The following ZFPM2 variants were observed in gnomAD, a reference collection of about 807,000 sequenced individuals.
ZFPM2 encodes zinc finger protein, FOG family member 2.
In ZFPM2, 20 loss-of-function variants were observed where a neutral mutation model predicts 98.6. The ratio of observed to expected loss-of-function variants is 0.20; its 90% CI spans 0.14 to 0.29. The LOEUF is 0.29. Ranked by LOEUF, ZFPM2 falls within the 10% of genes least tolerant of loss-of-function variation. ZFPM2 has a pLI of 1.00. For missense variants in ZFPM2, 1,310 were observed against 1,388.6 expected, an observed-to-expected ratio of 0.94 and a Z score of 0.90; for synonymous variants, 518 against 502.7, an observed-to-expected ratio of 1.03 and a Z score of -0.41.
intron 3 of ZFPM2, among the ~76,000 whole-genome samples, chr8:105,450,027 G>T (rs1347441779): frequency 6.6e-6 from 1 of 152,002 alleles, no homozygotes; most frequent in Non-Finnish European, 1.5e-5. Flanking sequence ...TTCAATTCAA[G>T]AATTTTTAAT....
chr8:105,371,038 C>T (rs537001053), intron 1 of ZFPM2, among the ~76,000 whole-genome samples: 1 of 152,250 alleles, frequency 6.6e-6, no homozygotes, highest in South Asian at 2.1e-4. Context: ...AGGCCTGGCA[C>T]CTCTGTATGG....
intron 4 of ZFPM2, among the ~76,000 whole-genome samples, chr8:105,562,681 C>G (rs967668642): frequency 2.0e-5 from 3 of 152,166 alleles, no homozygotes; most frequent in Non-Finnish European, 4.4e-5. Context: ...GTCTTTCGCA[C>G]GTCCACATTC....
In ZFPM2 at chr8:105,412,164, G is replaced by T. The variant is rs73697325; in HGVS notation, c.41-6980G>T. On this transcript the variant is annotated intron_variant, in intron 1 of 7. Coordinates refer to ENST00000407775, the MANE Select transcript of ZFPM2 (RefSeq NM_012082.4). ...ATTACTCCATTTTTATAAGATTAAA[G>T]AGTACATTTTTTCTCCCTAAAGAAA... Among the ~76,000 whole-genome samples, 1,371 of 151,834 alleles carry T rather than the reference G, an allele frequency of 9.0e-3. 19 individuals are homozygous for T. Among genetic ancestry groups the T allele is most frequent in the African/African-American group, 0.032 (1,324 of 41,468 alleles).
intron 5 of ZFPM2, among the ~76,000 whole-genome samples, chr8:105,770,380 AAAG>A (rs879919206): frequency 3.9e-5 from 6 of 152,064 alleles, no homozygotes; most frequent in Non-Finnish European, 8.8e-5. Context: ...TGCTTTTATA[AAAG>A]AAGAAGAAGG....
chr8:105,730,776 CTTTTTTTTT>C (rs201573898), intron 5 of ZFPM2, among the ~76,000 whole-genome samples: 9 of 124,380 alleles, frequency 7.2e-5, no homozygotes, highest in Admixed American at 1.6e-4. Flanking sequence ...TTTCTTTTTT[CTTTTTTTTT>C]TTTTTTTTTT....
chr8:105,726,603 G>A (rs376442001), intron 5 of ZFPM2, among the ~76,000 whole-genome samples: 9 of 151,900 alleles, frequency 5.9e-5, no homozygotes, highest in East Asian at 5.9e-4. Context: ...TGGTCAAGGC[G>A]ATGAGGATTA....
intron 5 of ZFPM2, among the ~76,000 whole-genome samples, chr8:105,690,033 T>C (rs1430392486): frequency 1.3e-5 from 2 of 152,196 alleles, no homozygotes; most frequent in African/African-American, 4.8e-5. Context: ...TCTAAACTTT[T>C]ATCCATCTCT....
intron 4 of ZFPM2, among the ~76,000 whole-genome samples, chr8:105,596,374 CAAA>C (rs1424954439): frequency 6.6e-6 from 1 of 151,906 alleles, no homozygotes; most frequent in Non-Finnish European, 1.5e-5. Flanking sequence ...AAGAAGGAAA[CAAA>C]GAAAGAGAGG....
chr8:105,762,791 G>C (rs1033964881), intron 5 of ZFPM2, among the ~76,000 whole-genome samples: 4 of 151,728 alleles, frequency 2.6e-5, no homozygotes, highest in African/African-American at 9.7e-5. Flanking sequence ...AACAAATCCA[G>C]ACTCAATGGC....
chr8:105,465,293 A>G (rs1053482936), intron 3 of ZFPM2, among the ~76,000 whole-genome samples: 8 of 152,052 alleles, frequency 5.3e-5, no homozygotes, highest in Non-Finnish European at 8.8e-5. Flanking sequence ...AAAACAATTG[A>G]AATTAGTTCT....
intron 1 of ZFPM2, among the ~76,000 whole-genome samples, chr8:105,354,088 G>A (rs1251708181): frequency 6.6e-6 from 1 of 152,130 alleles, no homozygotes; most frequent in Non-Finnish European, 1.5e-5. Flanking sequence ...TACTTAAGGA[G>A]GCTGCAAACC....
chr8:105,410,591 T>C (rs146561604), intron 1 of ZFPM2, among the ~76,000 whole-genome samples: 21 of 152,086 alleles, frequency 1.4e-4, no homozygotes, highest in African/African-American at 4.6e-4. Flanking sequence ...CTTAACTTTG[T>C]TATATAAACA....
At chr8:105,676,702 A>G (rs1263884984) in intron 5 of ZFPM2, among the ~76,000 whole-genome samples, 1 of 152,004 alleles carries the variant, frequency 6.6e-6, no homozygotes, top group Non-Finnish European at 1.5e-5. Context: ...ACAAGTACCA[A>G]TGAAAGATGG....
chr8:105,381,315 A>G (rs1390401006), intron 1 of ZFPM2, among the ~76,000 whole-genome samples: 1 of 151,930 alleles, frequency 6.6e-6, no homozygotes, highest in African/African-American at 2.4e-5. Context: ...TCCATGGTGT[A>G]TATGTGCCAC....
chr8:105,529,506 T>A (rs1313892025), intron 3 of ZFPM2, among the ~76,000 whole-genome samples: 3 of 152,092 alleles, frequency 2.0e-5, no homozygotes, highest in African/African-American at 7.2e-5. Context: ...ATATGTTGCT[T>A]CTAAATGAAT....
chr8:105,390,230 C>T (rs1332523210), intron 1 of ZFPM2, among the ~76,000 whole-genome samples: 2 of 152,082 alleles, frequency 1.3e-5, no homozygotes, highest in African/African-American at 4.8e-5. Context: ...GACTAACAGG[C>T]TACAAATTTG....
intron 1 of ZFPM2, among the ~76,000 whole-genome samples, chr8:105,346,408 T>C (rs1812529302): frequency 6.6e-6 from 1 of 151,454 alleles, no homozygotes; most frequent in Admixed American, 6.6e-5. Context: ...AATAAATAAA[T>C]AATAAAATAA....
At chr8:105,487,721 A>G (rs1270691843) in intron 3 of ZFPM2, among the ~76,000 whole-genome samples, 3 of 152,168 alleles carry the variant, frequency 2.0e-5, no homozygotes, top group Non-Finnish European at 4.4e-5. Flanking sequence ...AAAAAACTCT[A>G]TAGAATAAAT....
At chr8:105,694,429 G>A (rs1409698574) in intron 5 of ZFPM2, among the ~76,000 whole-genome samples, 1 of 151,912 alleles carries the variant, frequency 6.6e-6, no homozygotes, top group African/African-American at 2.4e-5. Flanking sequence ...AATAAATGTG[G>A]CTAATTTTTC....
Sources: gnomAD v4.1 joint callset for allele counts (sites outside exome capture counted in the v4.1 genomes callset) on GRCh38, gnomAD v4.1.1 for gene constraint, MANE v1.5 for transcripts, NCBI Gene and HGNC (gene_info 2026-07-23, HGNC 2026-07-21) for gene names.